The following NME7 variants were observed in gnomAD, a reference collection of about 807,000 sequenced individuals.
NME7 encodes the protein NME/NM23 family member 7.
Under a neutral mutation model 49.1 loss-of-function variants are expected in NME7, and 41 were observed. The observed-to-expected ratio is 0.83, with a 90% CI of 0.65 to 1.08. The LOEUF (loss-of-function observed/expected upper bound fraction) is 1.08. NME7 is among the 50% of genes least tolerant of loss of function. The pLI, the probability that NME7 is intolerant of heterozygous loss-of-function variation, is 0.00. For synonymous variants in NME7, 139 were observed against 150.6 expected (o/e 0.92, Z 0.56); for missense variants, 423 against 463.4 (o/e 0.91, Z 0.80).
At chr1:169,133,047 T>A (rs1658290664) in intron 11 of NME7, among the ~76,000 whole-genome samples, 1 of 152,160 alleles carries the variant, frequency 6.6e-6, no homozygotes, top group Non-Finnish European at 1.5e-5. Context: ...TTAGAAAACA[T>A]GAAGTGTTGG....
chr1:169,153,353 C>G (rs1054523828), intron 11 of NME7, among the ~76,000 whole-genome samples: 4 of 152,138 alleles, frequency 2.6e-5, no homozygotes, highest in Non-Finnish European at 2.9e-5. Flanking sequence ...CAATCTAGCT[C>G]TAATTTACAT....
intron 2 of NME7, 104 bp downstream of exon 2, chr1:169,324,289 C>A: frequency 1.5e-6 from 1 of 652,046 alleles, no homozygotes. Context: ...TATATACACA[C>A]ACACATACAT....
At position 169,162,118 on chromosome 1, in the gene NME7, C is replaced by T. The variant is rs143229231; in HGVS notation, c.1098+7329G>A. 5.5e-3 allele frequency among the ~76,000 whole-genome samples: 840 copies of T among 152,300 alleles called. 5 individuals are homozygous for T. Among genetic ancestry groups the T allele is most frequent in the Non-Finnish European group, 8.6e-3 (582 of 68,028 alleles). The stretch of plus-strand genomic sequence containing the variant: ...TCATCCCCAGTCAGTCAGCAGTACA[C>T]ACTTCCTAGCCCTTGCCCACCAAAT... On this transcript the variant is annotated intron_variant, in intron 11 of 11. Transcript: ENST00000367811.
intron 8 of NME7, among the ~76,000 whole-genome samples, chr1:169,237,365 T>C (rs1189577549): frequency 6.6e-6 from 1 of 152,122 alleles, no homozygotes; most frequent in Non-Finnish European, 1.5e-5. Flanking sequence ...AACTAAAGTT[T>C]CCAGAATTGT....
chr1:169,288,385 T>G (rs1650360732), intron 6 of NME7, among the ~76,000 whole-genome samples: 1 of 152,162 alleles, frequency 6.6e-6, no homozygotes, highest in Non-Finnish European at 1.5e-5. Context: ...GCTCAAGTCC[T>G]GCAGTCAGCC....
intron 10 of NME7, among the ~76,000 whole-genome samples, chr1:169,193,648 C>T (rs910846145): frequency 2.0e-5 from 3 of 152,176 alleles, no homozygotes; most frequent in South Asian, 4.1e-4. Context: ...GCACATGTTG[C>T]TGCAGCCTCC....
chr1:169,180,497 T>G (rs1487394834), intron 10 of NME7, among the ~76,000 whole-genome samples: 5 of 152,144 alleles, frequency 3.3e-5, no homozygotes, highest in African/African-American at 9.7e-5. Flanking sequence ...TGGGGCAAAC[T>G]CTCTTTAAAG....
chr1:169,326,552 G>A (rs1652064383), intron 1 of NME7, among the ~76,000 whole-genome samples: 1 of 152,156 alleles, frequency 6.6e-6, no homozygotes, highest in African/African-American at 2.4e-5. Flanking sequence ...CCAAGGGACA[G>A]AGAAACAGGT....
At chr1:169,305,483 T>A (rs750170983) in intron 4 of NME7, among the ~76,000 whole-genome samples, 4 of 152,220 alleles carry the variant, frequency 2.6e-5, no homozygotes, top group Non-Finnish European at 4.4e-5. Flanking sequence ...GATGCATACA[T>A]TGTGAGAAAT....
Position 169,235,185 on chromosome 1 carries a change from C to A in NME7, c.834G>T (p.Arg278=). 1 of 1,543,470 alleles carries A rather than the reference C, an allele frequency of 6.5e-7. No homozygotes were observed. Among genetic ancestry groups the A allele is most frequent in the Non-Finnish European group, 8.9e-7 (1 of 1,128,154 alleles). Residue 278 remains arginine (R), a synonymous_variant, in exon 9 of 12, where the codon CGG becomes CGT. Coordinates refer to ENST00000367811, the MANE Select transcript of NME7 (RefSeq NM_013330.5). ...CTTCATAGAATTCCTCAACATTAAC[C>A]CGATCCATATTGAACTATATTAAAA... is the stretch of plus-strand genomic sequence containing the variant. ...ISAMQMFNMD[R]VNVEEFYEVY... is the part of the protein sequence containing the mutation.
chr1:169,199,474 A>G (rs1660483922), intron 10 of NME7, among the ~76,000 whole-genome samples: 1 of 146,732 alleles, frequency 6.8e-6, no homozygotes, highest in Non-Finnish European at 1.5e-5. Flanking sequence ...TATTATTATT[A>G]TTATTATTAT....
At chr1:169,329,810 G>A (rs1352174033) in intron 1 of NME7, among the ~76,000 whole-genome samples, 1 of 152,056 alleles carries the variant, frequency 6.6e-6, no homozygotes, top group South Asian at 2.1e-4. Flanking sequence ...CAAACCTAGA[G>A]AAAGATATCA....
At chr1:169,287,447 C>G (rs765645373) in intron 6 of NME7, 39 bp from the exon 7 acceptor site, 3 of 1,372,362 alleles carry the variant, frequency 2.2e-6, no homozygotes, top group Non-Finnish European at 3.0e-6. Flanking sequence ...AATGTGATCT[C>G]TTATCTTGAA....
intron 3 of NME7, among the ~76,000 whole-genome samples, chr1:169,313,637 T>C (rs986088423): frequency 4.0e-4 from 60 of 151,866 alleles, no homozygotes; most frequent in African/African-American, 1.4e-3. Flanking sequence ...CACCCACACA[T>C]ACACACATGG....
intron 1 of NME7, among the ~76,000 whole-genome samples, chr1:169,348,496 T>C (rs1653026158): frequency 6.6e-6 from 1 of 152,170 alleles, no homozygotes; most frequent in Admixed American, 6.5e-5. Context: ...TAATCTGTGA[T>C]ACTGTGTACA....
At chr1:169,218,177 G>A (rs1661026681) in intron 10 of NME7, among the ~76,000 whole-genome samples, 2 of 152,104 alleles carry the variant, frequency 1.3e-5, no homozygotes, top group Non-Finnish European at 2.9e-5. Flanking sequence ...ATGTAGAACA[G>A]TTTAGCTACA....
At chr1:169,363,090 T>A (rs72702162) in intron 1 of NME7, among the ~76,000 whole-genome samples, 9,169 of 143,048 alleles carry the variant, frequency 0.064, 299 homozygotes, top group Middle Eastern at 0.13. Flanking sequence ...AAAAAAAAAA[T>A]TAGCTGGGCA....
intron 4 of NME7, among the ~76,000 whole-genome samples, chr1:169,305,512 C>G (rs1651138091): frequency 6.6e-6 from 1 of 152,180 alleles, no homozygotes; most frequent in African/African-American, 2.4e-5. Context: ...GTGAGTTTCT[C>G]TCTTCTAACT....
intron 7 of NME7, among the ~76,000 whole-genome samples, chr1:169,247,260 A>G (rs899805722): frequency 6.6e-6 from 1 of 152,352 alleles, no homozygotes; most frequent in Admixed American, 6.5e-5. Flanking sequence ...AGTCAGGTTA[A>G]TACAGAAAAG....
Sources: gnomAD v4.1 joint callset for allele counts (sites outside exome capture counted in the v4.1 genomes callset) on GRCh38, gnomAD v4.1.1 for gene constraint, MANE v1.5 for transcripts, NCBI Gene and HGNC (gene_info 2026-07-23, HGNC 2026-07-21) for gene names.